Variants in DOK3 observed in about 807,000 individuals in gnomAD.
The protein encoded by DOK3 is Dok-like protein.
Under a neutral mutation model 26.2 loss-of-function variants are expected in DOK3, and 23 were observed. That is an observed-to-expected ratio of 0.88 (90% CI 0.63 to 1.24). The LOEUF (loss-of-function observed/expected upper bound fraction) is 1.24. Ranked by LOEUF, DOK3 falls within the 50% of genes most tolerant of loss-of-function variation. The probability of loss-of-function intolerance (pLI) is 0.00; values close to 1 mark genes in which losing one functional copy is unlikely to be tolerated. For missense variants in DOK3, 619 were observed against 610.6 expected, an observed-to-expected ratio of 1.01 and a Z score of -0.15; for synonymous variants, 268 against 268.2, an observed-to-expected ratio of 1.00 and a Z score of 0.01.
At position 177,503,274 on chromosome 5, in the gene DOK3, C is replaced by T. The variant is rs1465276433; in HGVS notation, c.*709G>A. The T allele has an allele frequency of 1.3e-6, 2 of 1,550,938 alleles. No homozygotes were observed. The highest frequency in any genetic ancestry group is 1.7e-6 in the Non-Finnish European group (2 of 1,146,292). On this transcript the variant is annotated 3_prime_UTR_variant, in exon 6 of 6. Transcript: ENST00000510898. ...GCTGTCCTGAACACGGCTGTGTCCC[C>T]CAGCGCCTGGCACTGAGTAGGCACG...
At position 177,509,505 on chromosome 5, in the gene DOK3, G is replaced by A; in HGVS notation, c.36C>T (p.Ile12=). 6.2e-7 allele frequency: 1 copy of A among 1,610,164 alleles called. No homozygotes were observed. Among genetic ancestry groups the A allele is most frequent in the Non-Finnish European group, 8.5e-7 (1 of 1,178,234 alleles). ...CAAACTTGACATGCTGCTGGTAGAGGATGCCATCCTTGATAGGGGTCTCCA... is the reference window on the plus strand; with the variant it reads ...CAAACTTGACATGCTGCTGGTAGAGAATGCCATCCTTGATAGGGGTCTCCA... ...DPLETPIKDG[I]LYQQHVKFGK... The change falls in exon 2 of 6, where the codon ATC becomes ATT. Residue 12 remains isoleucine, a synonymous_variant. Transcript: ENST00000510898.
In DOK3 at chr5:177,504,134, C is replaced by A. The variant is rs1201813445; in HGVS notation, c.1172G>T (p.Ser391Ile). The A allele has an allele frequency of 6.2e-7, 1 of 1,613,898 alleles. No individual in the cohort carries two copies. Among genetic ancestry groups the A allele is most frequent in the Non-Finnish European group, 8.5e-7 (1 of 1,179,890 alleles). ...CCGCCGGTACTGGGCCTCCAGGGTA[C>A]TGTCGTTGGCCGGGCCGGGCCAGCT... ...DLSWPGPANDSTLEAQYRRLL... is the reference protein window; with the variant it reads ...DLSWPGPANDITLEAQYRRLL... The change falls in exon 6 of 6, where the codon AGT (serine) becomes ATT (isoleucine). Residue 391 changes from serine (S) to isoleucine (I), a missense_variant. Coordinates refer to ENST00000510898, the MANE Select transcript of DOK3 (RefSeq NM_001308236.3).
intron 3 of DOK3, among the ~76,000 whole-genome samples, chr5:177,505,942 G>A (rs1253710699): frequency 1.3e-5 from 2 of 150,450 alleles, no homozygotes; most frequent in Non-Finnish European, 3.0e-5. Flanking sequence ...GTTTCACCAT[G>A]TTAGCCAGGA....
chr5:177,505,015 C>T lies in DOK3; in HGVS notation c.468G>A (p.Gln156=). The change falls in exon 4 of 6, where the codon CAG becomes CAA. Residue 156 remains glutamine, a synonymous_variant. Coordinates refer to ENST00000510898, the MANE Select transcript of DOK3 (RefSeq NM_001308236.3). ...CTTGCACGTCCTCCAACTTACCTTC[C>T]TGCCAGGAGGAGTAGATGGAGTTTT... The part of the protein sequence containing the change: ...MEENSIYSSW[Q]EVGEFPVVVQ... 1 of 1,607,118 alleles carries T rather than the reference C, an allele frequency of 6.2e-7. No homozygotes were observed. Among genetic ancestry groups the T allele is most frequent in the East Asian group, 2.2e-5 (1 of 44,846 alleles).
In DOK3 at chr5:177,504,497, G is replaced by A; in HGVS notation, c.809C>T (p.Pro270Leu). The A allele has an allele frequency of 6.3e-7, 1 of 1,583,468 alleles. No homozygotes were observed. Among genetic ancestry groups the A allele is most frequent in the Non-Finnish European group, 8.6e-7 (1 of 1,168,314 alleles). ...CAGGGAGGGCAGAGAGGTGGCCCGT[G>A]GCAGGGGGCAGGGCTGGGGCCTGGT... Reference protein sequence around the residue: ...ELTRPQPCPLPRATSLPSLDT... With the variant: ...ELTRPQPCPLLRATSLPSLDT... The change falls in exon 6 of 6, where the codon CCA (proline) becomes CTA (leucine). Residue 270 changes from proline (P) to leucine (L), a missense_variant. Transcript: ENST00000510898.
In DOK3 at chr5:177,505,239, G is replaced by A. The variant is rs574310625; in HGVS notation, c.373-129C>T. 1.1e-4 allele frequency: 91 copies of A among 810,820 alleles called. 1 individual carries two copies. Among genetic ancestry groups the A allele is most frequent in the East Asian group, 2.0e-4 (7 of 35,614 alleles). The allele number at this position is 810,820 out of a possible 1,614,324, so 50.2% of individuals were successfully genotyped here. On this transcript the variant is annotated intron_variant, in intron 3 of 5. Transcript: ENST00000510898. ...CTGGGCTCCAGTTCCAGCTTTGCCC[G>A]GCTCGCTGCATAAGCCTAGGTCCCC...
Position 177,504,623 on chromosome 5 carries a change from G to A in DOK3, c.683C>T (p.Ser228Leu), listed in dbSNP as rs778503753. ...GCTGAAGGCAAAGAGGCCCTCACCC[G>A]AGTGGCAGCGACGGCCGGCCTCAAA... ...FSFEAGRRCH[S>L]GEGLFAFSTP... is the part of the protein sequence containing the mutation. The change falls in exon 6 of 6, where the codon TCG becomes TTG. Residue 228 changes from serine (S) to leucine (L), a missense_variant. Ser to Leu is a moderately radical substitution (Grantham distance 145). Coordinates refer to ENST00000510898, the MANE Select transcript of DOK3 (RefSeq NM_001308236.3). 12 of 1,611,390 alleles carry A rather than the reference G, an allele frequency of 7.4e-6. No homozygotes were observed. The highest frequency in any genetic ancestry group is 2.2e-5 in the East Asian group (1 of 44,862).
intron 3 of DOK3, among the ~76,000 whole-genome samples, chr5:177,506,124 T>G (rs952544879): frequency 4.6e-5 from 7 of 152,100 alleles, no homozygotes; most frequent in Non-Finnish European, 8.8e-5. Context: ...GGCTAATTTT[T>G]TGTATTTTTA....
intron 3 of DOK3, among the ~76,000 whole-genome samples, chr5:177,507,741 A>T (rs1760395354): frequency 6.6e-6 from 1 of 152,170 alleles, no homozygotes; most frequent in South Asian, 2.1e-4. Flanking sequence ...GTCCGGCTTA[A>T]ACCCTCCAAA....
upstream of DOK3, chr5:177,509,921 G>C (rs1400765185): frequency 6.3e-7 from 1 of 1,589,016 alleles, no homozygotes; most frequent in East Asian, 2.3e-5. Flanking sequence ...CCCTGGCCCT[G>C]CCTCCACCCA....
rs760250937 is a variant in DOK3, at chr5:177,504,505, G to A, written c.801C>T (p.Cys267=). 50 of 1,587,990 alleles carry A rather than the reference G, an allele frequency of 3.1e-5. No individual in the cohort carries two copies. In the East Asian group the frequency reaches 4.0e-4, roughly 13 times the overall value. ...GCAGAGAGGTGGCCCGTGGCAGGGG[G>A]CAGGGCTGGGGCCTGGTCAGCTCTG... ...RLPELTRPQP[C]PLPRATSLPS... Residue 267 remains cysteine, a synonymous_variant, in exon 6 of 6, where the codon TGC becomes TGT. Transcript: ENST00000510898.
chr5:177,504,842 C>T lies in DOK3; in HGVS notation c.546G>A (p.Leu182=), dbSNP rs756032195. 5.0e-6 allele frequency: 8 copies of T among 1,612,836 alleles called. No homozygotes were observed. Among genetic ancestry groups the T allele is most frequent in the Non-Finnish European group, 6.8e-6 (8 of 1,179,444 alleles). ...TRCQLKGPAL[L]VLGPDAIQLR... is the part of the protein sequence containing the mutation. ...GCTGGATGGCGTCTGGGCCCAGCACCAGCAGGGCCGGCCCCTTCAGCTGGC... is the reference window on the plus strand; with the variant it reads ...GCTGGATGGCGTCTGGGCCCAGCACTAGCAGGGCCGGCCCCTTCAGCTGGC... The change falls in exon 5 of 6, where the codon CTG becomes CTA. Residue 182 remains leucine (L), a synonymous_variant. Coordinates refer to ENST00000510898, the MANE Select transcript of DOK3 (RefSeq NM_001308236.3).
At chr5:177,505,289 C>A (rs1022858237) in intron 3 of DOK3, among the ~76,000 whole-genome samples, 179 bp from the exon 4 acceptor site, 2 of 152,216 alleles carry the variant, frequency 1.3e-5, no homozygotes, top group African/African-American at 4.8e-5. Flanking sequence ...TCCCACCTGG[C>A]TCCCCACTGA....
In DOK3 at chr5:177,503,093, G is replaced by A; in HGVS notation, c.*890C>T. 6.5e-7 allele frequency: 1 copy of A among 1,550,252 alleles called. No individual in the cohort carries two copies. The highest frequency in any genetic ancestry group is 1.2e-5 in the South Asian group (1 of 84,004). On this transcript the variant is annotated 3_prime_UTR_variant, in exon 6 of 6. Transcript: ENST00000510898. The stretch of plus-strand genomic sequence containing the variant: ...CAGCTGAGGTGGAGTTGCGGTGAGG[G>A]GCTGGGCAGTCAGAGCCCTGGAGGC...
intron 3 of DOK3, among the ~76,000 whole-genome samples, chr5:177,505,811 A>G (rs1253027635): frequency 6.6e-6 from 1 of 151,440 alleles, no homozygotes. Context: ...ATCTTGGCTC[A>G]CTGCAAGCTC....
At chr5:177,510,203 G>A (rs1345029419), upstream of DOK3, 1 of 415,788 alleles carries the variant, frequency 2.4e-6, no homozygotes, top group African/African-American at 2.0e-5. Context: ...AACACTCAGG[G>A]ACCTGTGTGT....
rs1256392872 is a variant in DOK3 at position 177,503,934 on chromosome 5, T to C, written c.*49A>G. The C allele has an allele frequency of 2.0e-6, 3 of 1,481,356 alleles. No homozygotes were observed. In the African/African-American group the frequency reaches 4.2e-5, roughly 21 times the overall value. The allele number at this position is 1,481,356 out of a possible 1,614,324, so 91.8% of individuals were successfully genotyped here. A position where few individuals can be genotyped will look rare whatever the true frequency, so the allele number is the denominator to read the frequency against. ...ATGTTTGCCCACCAGCCCACCCTCC[T>C]GTCCCAGGGGGAGCACCTCTCCCCT... On this transcript the variant is annotated 3_prime_UTR_variant, in exon 6 of 6. Transcript: ENST00000510898.
chr5:177,509,972 T>C (rs1760788209), upstream of DOK3: 1 of 1,380,162 alleles, frequency 7.2e-7, no homozygotes, highest in Admixed American at 2.0e-5. Flanking sequence ...CCACTCGGCG[T>C]CCTGGTTTGA....
chr5:177,508,627 G>A (rs1042512828), intron 2 of DOK3, 85 bp from the exon 3 acceptor site: 39 of 1,387,300 alleles, frequency 2.8e-5, no homozygotes, highest in Non-Finnish European at 3.4e-5. Context: ...CTCGGCAAAC[G>A]CTCCCAGCCA....
Sources: allele counts gnomAD v4.1 joint callset (sites outside exome capture counted in the v4.1 genomes callset), GRCh38; gene constraint gnomAD v4.1.1; transcripts MANE v1.5; gene names NCBI Gene and HGNC (gene_info 2026-07-23, HGNC 2026-07-21).